The following TGFBR3 variants were observed in gnomAD, a reference collection of about 807,000 sequenced individuals.
TGFBR3 encodes the protein transforming growth factor beta receptor 3, also known as transforming growth factor beta receptor type 3.
A neutral mutation model predicts 87.9 loss-of-function variants in TGFBR3; 46 were observed. The ratio of observed to expected loss-of-function variants is 0.52; its 90% confidence interval spans 0.41 to 0.67. TGFBR3 has a LOEUF of 0.67. Ranked by LOEUF, TGFBR3 falls within the 30% of genes least tolerant of loss-of-function variation. TGFBR3 has a pLI of 0.00. For missense variants in TGFBR3, 866 were observed against 1,041.9 expected (o/e 0.83, Z 2.32); for synonymous variants, 381 against 391.6 (o/e 0.97, Z 0.32).
chr1:91,707,657 C>T (rs1409942826), intron 14 of TGFBR3, among the ~76,000 whole-genome samples: 2 of 152,180 alleles, frequency 1.3e-5, no homozygotes, highest in Non-Finnish European at 2.9e-5. Flanking sequence ...CTCAGAGTGG[C>T]GAGAGGCAGC....
At chr1:91,886,280 G>A (rs1679312058), upstream of TGFBR3, 2 of 419,572 alleles carry the variant, frequency 4.8e-6, no homozygotes, top group Non-Finnish European at 9.6e-6. Context: ...GGGGGCTCTC[G>A]GCCGCCCAGA....
intron 2 of TGFBR3, among the ~76,000 whole-genome samples, chr1:91,819,579 C>T (rs1474752898): frequency 6.6e-6 from 1 of 152,202 alleles, no homozygotes; most frequent in Non-Finnish European, 1.5e-5. Flanking sequence ...AACATACAGC[C>T]TTTCCTGGTC....
chr1:91,685,606 G>T (rs1671064725), intron 16 of TGFBR3, among the ~76,000 whole-genome samples: 1 of 152,108 alleles, frequency 6.6e-6, no homozygotes, highest in Admixed American at 6.5e-5. Context: ...ACAGGCGTGA[G>T]CCACCACGCC....
chr1:91,879,141 C>T (rs1304734734), intron 1 of TGFBR3, among the ~76,000 whole-genome samples: 2 of 151,918 alleles, frequency 1.3e-5, no homozygotes, highest in Non-Finnish European at 2.9e-5. Context: ...TGGTGGCCCC[C>T]GCCTGTAATC....
intron 2 of TGFBR3, among the ~76,000 whole-genome samples, chr1:91,810,826 A>T (rs1676005340): frequency 6.6e-6 from 1 of 152,126 alleles, no homozygotes; most frequent in Non-Finnish European, 1.5e-5. Context: ...CATTTTTATT[A>T]TTGTATTACT....
chr1:91,884,536 A>C (rs527739571), intron 1 of TGFBR3, among the ~76,000 whole-genome samples: 2 of 152,288 alleles, frequency 1.3e-5, no homozygotes, highest in South Asian at 4.1e-4. Context: ...TATGCACACA[A>C]ATCTATGTAC....
chr1:91,719,319 T>C lies in TGFBR3; in HGVS notation c.1559A>G (p.Tyr520Cys). ...RWSALDGVVY[Y>C]NSIVIQVPAL... is the part of the protein sequence containing the mutation. Reference sequence around the variant, plus strand: ...GTTCTGGAAAACACTCACGGAGTTATAGTAGACCACACCATCAAGGGCTGA... The same window carrying C: ...GTTCTGGAAAACACTCACGGAGTTACAGTAGACCACACCATCAAGGGCTGA... Residue 520 changes from tyrosine (Y) to cysteine (C), a missense_variant, in exon 10 of 17, where the codon TAT becomes TGT. Physicochemically the swap from Tyr to Cys is radical, Grantham distance 194 (BLOSUM62 -2). Transcript: ENST00000212355. The C allele has an allele frequency of 1.2e-6, 2 of 1,614,144 alleles. No homozygotes were observed. The highest frequency in any genetic ancestry group is 1.1e-5 in the South Asian group (1 of 91,080).
intron 4 of TGFBR3, among the ~76,000 whole-genome samples, chr1:91,737,582 TTTCTG>T (rs1215587719): frequency 2.6e-5 from 4 of 152,112 alleles, no homozygotes; most frequent in Non-Finnish European, 5.9e-5. Flanking sequence ...AGACAGCAGA[TTTCTG>T]TTCTGTTAGA....
chr1:91,867,779 C>A (rs1678441046), intron 1 of TGFBR3, among the ~76,000 whole-genome samples: 1 of 152,094 alleles, frequency 6.6e-6, no homozygotes, highest in Admixed American at 6.6e-5. Flanking sequence ...CCTGGCTTAC[C>A]CAGCTGTGTT....
intron 3 of TGFBR3, among the ~76,000 whole-genome samples, chr1:91,771,546 A>G (rs1388494136): frequency 2.0e-5 from 3 of 151,946 alleles, no homozygotes; most frequent in Admixed American, 2.0e-4. Flanking sequence ...CTACTAAAAA[A>G]TACAAAAAAA....
At chr1:91,896,328 G>A (rs1679550002) in intron 2 of TGFBR3, among the ~76,000 whole-genome samples, 1 of 152,174 alleles carries the variant, frequency 6.6e-6, no homozygotes, top group Admixed American at 6.5e-5. Flanking sequence ...CAGTTAAGAG[G>A]TTGAGGCAAT....
In TGFBR3 at chr1:91,722,155, A is replaced by G; in HGVS notation, c.886-11T>C. ...AATACTGTTAGGAGCCTGAAGATAT[A>G]GCAAAAAAATCACTCATGAGTCTAA... On this transcript the variant is annotated splice_polypyrimidine_tract_variant and intron_variant, in intron 7 of 16. Transcript: ENST00000212355. The G allele has an allele frequency of 6.2e-7, 1 of 1,612,950 alleles. No homozygotes were observed. The highest frequency in any genetic ancestry group is 8.5e-7 in the Non-Finnish European group (1 of 1,179,344).
chr1:91,730,897 A>G (rs1005068901), intron 5 of TGFBR3, among the ~76,000 whole-genome samples: 36 of 152,240 alleles, frequency 2.4e-4, no homozygotes, highest in African/African-American at 8.7e-4. Flanking sequence ...CTGTGCTGAG[A>G]GTTGCTCACC....
At chr1:91,688,461 G>A (rs1032074507) in intron 16 of TGFBR3, among the ~76,000 whole-genome samples, 1 of 152,158 alleles carries the variant, frequency 6.6e-6, no homozygotes, top group Non-Finnish European at 1.5e-5. Flanking sequence ...ACCTTAGTAG[G>A]TATATTAGTT....
At chr1:91,729,684 A>T in intron 6 of TGFBR3, 121 bp downstream of exon 6, 1 of 1,160,714 alleles carries the variant, frequency 8.6e-7, no homozygotes, top group Non-Finnish European at 1.3e-6. Flanking sequence ...TGAAGCATCA[A>T]TGGCTCCCTT....
chr1:91,864,338 G>A (rs1678307096), intron 1 of TGFBR3: 1 of 152,222 alleles, frequency 6.6e-6, no homozygotes, highest in East Asian at 1.9e-4. Context: ...TTGCTGACAA[G>A]AATATTGGGC....
chr1:91,883,756 G>A (rs1679188027), intron 1 of TGFBR3, among the ~76,000 whole-genome samples: 3 of 147,806 alleles, frequency 2.0e-5, no homozygotes, highest in Admixed American at 1.4e-4. Context: ...AATTAAAGTT[G>A]ACAAATGTCA....
At chr1:91,892,331 C>CCTCCA (rs1171447703) in intron 2 of TGFBR3, among the ~76,000 whole-genome samples, 1 of 149,022 alleles carries the variant, frequency 6.7e-6, no homozygotes, top group African/African-American at 2.6e-5. Context: ...CTCAGCCCCA[C>CCTCCA]CTCCACAACA....
chr1:91,726,912 A>G (rs563135728), intron 7 of TGFBR3, among the ~76,000 whole-genome samples: 32 of 152,224 alleles, frequency 2.1e-4, no homozygotes, highest in South Asian at 6.2e-4. Flanking sequence ...TCAGTCAAAT[A>G]GTTATTGCCT....
Sources: allele counts gnomAD v4.1 joint callset (sites outside exome capture counted in the v4.1 genomes callset), GRCh38; gene constraint gnomAD v4.1.1; transcripts MANE v1.5; gene names NCBI Gene and HGNC (gene_info 2026-07-23, HGNC 2026-07-21).